The following MED27 variants were observed in gnomAD, a reference collection of about 807,000 sequenced individuals.
MED27 encodes the protein mediator complex subunit 27.
Under a neutral mutation model 38.2 loss-of-function variants are expected in MED27, and 30 were observed. The observed-to-expected ratio is 0.79, with a 90% CI of 0.59 to 1.07. The LOEUF (loss-of-function observed/expected upper bound fraction) is 1.07. MED27 is among the 50% of genes least tolerant of loss of function. The probability of loss-of-function intolerance (pLI) is 0.00; values close to 1 mark genes in which losing one functional copy is unlikely to be tolerated. For missense variants in MED27, 289 were observed against 397.5 expected, an observed-to-expected ratio of 0.73 and a Z score of 2.32; for synonymous variants, 122 against 153.5, an observed-to-expected ratio of 0.79 and a Z score of 1.52.
At chr9:132,027,702 C>A (rs992530420) in intron 2 of MED27, among the ~76,000 whole-genome samples, 7 of 152,194 alleles carry the variant, frequency 4.6e-5, no homozygotes, top group Non-Finnish European at 1.0e-4. Flanking sequence ...TCTATTTAAA[C>A]CTTAATTTAT....
At chr9:131,866,535 G>A (rs1385297265) in intron 6 of MED27, among the ~76,000 whole-genome samples, 1 of 152,204 alleles carries the variant, frequency 6.6e-6, no homozygotes, top group African/African-American at 2.4e-5. Context: ...TTCCCATCTT[G>A]CCTGTCTCAA....
intron 3 of MED27, among the ~76,000 whole-genome samples, chr9:131,964,798 G>A (rs1421822875): frequency 6.6e-6 from 1 of 152,148 alleles, no homozygotes; most frequent in Non-Finnish European, 1.5e-5. Flanking sequence ...TCCGATACAA[G>A]GACATATTAC....
chr9:132,037,973 T>C (rs1237762649), intron 2 of MED27, among the ~76,000 whole-genome samples: 1 of 152,038 alleles, frequency 6.6e-6, no homozygotes. Context: ...TGAGGGTGGA[T>C]TTGTGATGCA....
At chr9:131,870,397 G>A (rs1031625967) in intron 6 of MED27, among the ~76,000 whole-genome samples, 2 of 152,174 alleles carry the variant, frequency 1.3e-5, no homozygotes, top group African/African-American at 2.4e-5. Flanking sequence ...CATGGCAAGC[G>A]CCCGCCAAAT....
rs569477009 is a variant in MED27 at position 132,068,892 on chromosome 9, A to C, written c.348+8550T>G. 3.9e-5 allele frequency among the ~76,000 whole-genome samples: 6 copies of C among 152,318 alleles called. No individual in the cohort carries two copies. In the South Asian group the frequency reaches 8.3e-4, roughly 21 times the overall value. On this transcript the variant is annotated intron_variant, in intron 2 of 7. Transcript: ENST00000292035. Reference sequence around the variant, plus strand: ...AGCCACAGAACAGATGAGATGGCCCAGAGAAGGGAGAGAAGCACTAATAAC... The same window carrying C: ...AGCCACAGAACAGATGAGATGGCCCCGAGAAGGGAGAGAAGCACTAATAAC...
intron 6 of MED27, among the ~76,000 whole-genome samples, chr9:131,877,755 G>A (rs1036917620): frequency 1.3e-5 from 2 of 152,190 alleles, no homozygotes; most frequent in African/African-American, 2.4e-5. Context: ...CTAGGAGTTG[G>A]AATGAGCGAT....
At chr9:131,989,452 C>A (rs1381313434) in intron 3 of MED27, among the ~76,000 whole-genome samples, 1 of 152,082 alleles carries the variant, frequency 6.6e-6, no homozygotes, top group African/African-American at 2.4e-5. Context: ...TCTGATTACC[C>A]CCTTTGTAGG....
chr9:131,994,306 G>A (rs1050760752), intron 3 of MED27, among the ~76,000 whole-genome samples: 2 of 152,180 alleles, frequency 1.3e-5, no homozygotes, highest in African/African-American at 4.8e-5. Context: ...CTTGGTCTAT[G>A]GGGTAAGATC....
intron 2 of MED27, among the ~76,000 whole-genome samples, chr9:132,019,766 T>C (rs1225543406): frequency 1.3e-5 from 2 of 152,236 alleles, no homozygotes; most frequent in Non-Finnish European, 2.9e-5. Context: ...TCTTTCTAAC[T>C]GGAGGTACTG....
At chr9:132,076,935 A>C (rs966578231) in intron 2 of MED27, among the ~76,000 whole-genome samples, 2 of 152,238 alleles carry the variant, frequency 1.3e-5, no homozygotes, top group Non-Finnish European at 1.5e-5. Flanking sequence ...TGTTAAGAAC[A>C]ATCTCCCTTA....
At chr9:132,011,503 C>T (rs1832486853) in intron 3 of MED27, among the ~76,000 whole-genome samples, 2 of 152,114 alleles carry the variant, frequency 1.3e-5, no homozygotes, top group Admixed American at 1.3e-4. Flanking sequence ...AGTAGGTGCT[C>T]AGTGGAAGTG....
intron 2 of MED27, among the ~76,000 whole-genome samples, chr9:132,055,500 T>C (rs1417481093): frequency 2.6e-5 from 4 of 152,060 alleles, no homozygotes; most frequent in African/African-American, 4.8e-5. Flanking sequence ...CCAGACTAAA[T>C]TAATATTTAC....
intron 2 of MED27, among the ~76,000 whole-genome samples, chr9:132,076,389 T>C (rs2131173835): frequency 6.6e-6 from 1 of 152,284 alleles, no homozygotes; most frequent in Middle Eastern, 3.4e-3. Context: ...TAGTAACCCA[T>C]GATAAATCAC....
At chr9:131,985,696 TG>T (rs150871493) in intron 3 of MED27, among the ~76,000 whole-genome samples, 4,316 of 151,996 alleles carry the variant, frequency 0.028, 191 homozygotes, top group African/African-American at 0.093. Context: ...TAATTTTAAT[TG>T]TTTTTTTTTT....
At chr9:131,884,445 T>G (rs941038707) in intron 5 of MED27, among the ~76,000 whole-genome samples, 2 of 152,178 alleles carry the variant, frequency 1.3e-5, no homozygotes, top group African/African-American at 4.8e-5. Flanking sequence ...CTCAGGCCCT[T>G]TGCACTTGCT....
In MED27 at chr9:132,002,982, A is replaced by G. The variant is rs1245438903; in HGVS notation, c.479+11355T>C. 2.0e-5 allele frequency among the ~76,000 whole-genome samples: 3 copies of G among 152,120 alleles called. No individual in the cohort carries two copies. The East Asian group carries it at 5.8e-4, about 29-fold the overall frequency. The stretch of plus-strand genomic sequence containing the variant: ...AAATTACTTTCCATTCCAAGAAAGA[A>G]CAGAAAGATCTGAAACAAAAGAGTT... On this transcript the variant is annotated intron_variant, in intron 3 of 7. Coordinates refer to ENST00000292035, the MANE Select transcript of MED27 (RefSeq NM_004269.4).
chr9:132,079,810 T>G lies in MED27; in HGVS notation c.35A>C (p.Glu12Ala), dbSNP rs761577064. The G allele has an allele frequency of 1.4e-5, 22 of 1,610,898 alleles. No homozygotes were observed. The highest frequency in any genetic ancestry group is 1.9e-5 in the Non-Finnish European group (22 of 1,178,700). Residue 12 changes from glutamate to alanine, a missense_variant, in exon 1 of 8, where the codon GAG (glutamate) becomes GCG (alanine). Physicochemically the swap from Glu to Ala is moderately radical, Grantham distance 107 (BLOSUM62 -1). Transcript: ENST00000292035. ...GGCACTAATGGCCTGGGAAAAGGCC[T>G]CCAGGTTCACACTGACATTTATCAC... ...ADVINVSVNL[E>A]AFSQAISAIQ...
chr9:131,931,532 T>C (rs567178484), intron 4 of MED27, among the ~76,000 whole-genome samples: 1 of 152,150 alleles, frequency 6.6e-6, no homozygotes, highest in African/African-American at 2.4e-5. Context: ...TCCAATCAAA[T>C]ATAAGTAAAC....
intron 3 of MED27, among the ~76,000 whole-genome samples, chr9:131,945,199 T>C (rs1407557825): frequency 5.3e-5 from 8 of 149,918 alleles, no homozygotes; most frequent in Non-Finnish European, 1.2e-4. Context: ...GAAGTGAACA[T>C]AACTGAAATG....
Sources: allele counts gnomAD v4.1 joint callset (sites outside exome capture counted in the v4.1 genomes callset), GRCh38; gene constraint gnomAD v4.1.1; transcripts MANE v1.5; gene names NCBI Gene and HGNC (gene_info 2026-07-23, HGNC 2026-07-21).